Variants in DUSP22 observed in about 807,000 individuals in gnomAD.
DUSP22 encodes dual specificity protein phosphatase 22.
Under a neutral mutation model 24.5 loss-of-function variants are expected in DUSP22, and 24 were observed. The observed-to-expected ratio is 0.98, with a 90% confidence interval of 0.71 to 1.38. DUSP22 has a LOEUF of 1.38. DUSP22 is among the 40% of genes most tolerant of loss of function. The probability of loss-of-function intolerance (pLI) is 0.00; values close to 1 mark genes in which losing one functional copy is unlikely to be tolerated. For missense variants in DUSP22, 330 were observed against 269.2 expected, an observed-to-expected ratio of 1.23 and a Z score of -1.58; for synonymous variants, 160 against 106.4, an observed-to-expected ratio of 1.50 and a Z score of -3.10.
At chr6:309,749 T>A (rs902456319) in intron 2 of DUSP22, among the ~76,000 whole-genome samples, 7 of 152,168 alleles carry the variant, frequency 4.6e-5, no homozygotes, top group Non-Finnish European at 8.8e-5. Flanking sequence ...ACCCTTGTAA[T>A]TCCGTCTCTG....
rs553757521 is a variant in DUSP22, at chr6:313,999, C to CA, written c.138+2038dup. Among the ~76,000 whole-genome samples the CA allele has an allele frequency of 9.8e-5, 15 of 152,418 alleles. No individual in the cohort carries two copies. In the East Asian group the frequency reaches 2.9e-3, roughly 29 times the overall value. Reference sequence around the variant, plus strand: ...AATCCAGATCCATAAGCTGTGTCCTCACGCAGCCTGAGATGAGTCAGGGAA... The same window carrying CA: ...AATCCAGATCCATAAGCTGTGTCCTCAACGCAGCCTGAGATGAGTCAGGGAA... On this transcript the variant is annotated intron_variant, in intron 3 of 6. Transcript: ENST00000419235.
chr6:345,283 C>T (rs1429192401), intron 4 of DUSP22, among the ~76,000 whole-genome samples: 2 of 150,388 alleles, frequency 1.3e-5, no homozygotes, highest in African/African-American at 4.9e-5. Flanking sequence ...GATCTTGGCT[C>T]ACTGTAATCT....
chr6:350,433 G>A lies in DUSP22; in HGVS notation c.*1482G>A. ...CTCGACCTCTCCCTAAAAAGATGTT[G>A]CAACCCAGTTTCTCTGAATTCCACC... On this transcript the variant is annotated 3_prime_UTR_variant, in exon 7 of 7. Coordinates refer to ENST00000419235, the MANE Select transcript of DUSP22 (RefSeq NM_001286555.3). The A allele has an allele frequency of 1.2e-5, 13 of 1,125,100 alleles. No homozygotes were observed. The highest frequency in any genetic ancestry group is 1.4e-5 in the Non-Finnish European group (13 of 915,750). The allele number at this position is 1,125,100 out of a possible 1,614,324, so 69.7% of individuals were successfully genotyped here. A position where few individuals can be genotyped will look rare whatever the true frequency, so the allele number is the denominator to read the frequency against.
At chr6:309,787 G>A (rs1339562854) in intron 2 of DUSP22, among the ~76,000 whole-genome samples, 3 of 152,272 alleles carry the variant, frequency 2.0e-5, no homozygotes, top group African/African-American at 7.2e-5. Flanking sequence ...TACCAGTCCC[G>A]CCATCCTCCC....
chr6:342,204 G>A (rs969131347), intron 4 of DUSP22, among the ~76,000 whole-genome samples: 2 of 152,308 alleles, frequency 1.3e-5, no homozygotes, highest in Non-Finnish European at 2.9e-5. Context: ...GTGCTCTGTG[G>A]TTTTTCATTT....
chr6:309,068 G>A (rs1757951602), intron 2 of DUSP22, among the ~76,000 whole-genome samples: 1 of 152,430 alleles, frequency 6.6e-6, no homozygotes, highest in Non-Finnish European at 1.5e-5. Flanking sequence ...GTGGGAACTG[G>A]CTGCCTGTGG....
At chr6:310,295 C>G (rs1430332517) in intron 2 of DUSP22, among the ~76,000 whole-genome samples, 1 of 152,304 alleles carries the variant, frequency 6.6e-6, no homozygotes, top group African/African-American at 2.4e-5. Context: ...TCTCCTGTAT[C>G]ATTTAGGAAA....
At position 350,286 on chromosome 6, in the gene DUSP22, A is replaced by G; in HGVS notation, c.*1335A>G. On this transcript the variant is annotated 3_prime_UTR_variant, in exon 7 of 7. Transcript: ENST00000419235. ...AATTCCACATTCAGGCCACGAGAGCATCTACAGTTTGTACTCTGGGGCTGC... is the reference window on the plus strand; with the variant it reads ...AATTCCACATTCAGGCCACGAGAGCGTCTACAGTTTGTACTCTGGGGCTGC... The G allele has an allele frequency of 1.0e-6, 1 of 993,628 alleles. No homozygotes were observed. The allele number at this position is 993,628 out of a possible 1,614,324, so 61.6% of individuals were successfully genotyped here. A position where few individuals can be genotyped will look rare whatever the true frequency, so the allele number is the denominator to read the frequency against.
intron 1 of DUSP22, among the ~76,000 whole-genome samples, chr6:301,342 C>A (rs1395366312): frequency 6.6e-6 from 1 of 152,290 alleles, no homozygotes; most frequent in African/African-American, 2.4e-5. Context: ...AAGATGGGAC[C>A]AGTAAGGGGT....
intron 1 of DUSP22, among the ~76,000 whole-genome samples, chr6:299,236 C>A (rs1000163486): frequency 2.5e-4 from 38 of 152,294 alleles, no homozygotes; most frequent in African/African-American, 8.2e-4. Flanking sequence ...GAGCTCAGCT[C>A]CTGCGTGGCC....
At chr6:305,473 G>A (rs1757780453) in intron 2 of DUSP22, among the ~76,000 whole-genome samples, 1 of 152,298 alleles carries the variant, frequency 6.6e-6, no homozygotes. Flanking sequence ...TTCTTTTTAA[G>A]TCACCTGGGA....
chr6:324,977 T>C (rs1449625608), intron 3 of DUSP22, among the ~76,000 whole-genome samples: 5 of 152,300 alleles, frequency 3.3e-5, no homozygotes, highest in Admixed American at 3.3e-4. Context: ...GGCTGCCGCA[T>C]CCTGCCGGGA....
In DUSP22 at chr6:351,026, A is replaced by G; in HGVS notation, c.*2075A>G. ...CGTAGTCATGTTTATGTTGAGAACTAAGGATATTCTTTAGCAAGAGAAAAT... is the reference window on the plus strand; with the variant it reads ...CGTAGTCATGTTTATGTTGAGAACTGAGGATATTCTTTAGCAAGAGAAAAT... On this transcript the variant is annotated 3_prime_UTR_variant, in exon 7 of 7. Transcript: ENST00000419235. 9.0e-7 allele frequency: 1 copy of G among 1,107,796 alleles called. No individual in the cohort carries two copies. The allele number at this position is 1,107,796 out of a possible 1,614,324, so 68.6% of individuals were successfully genotyped here.
chr6:321,461 G>A (rs558559992), intron 3 of DUSP22, among the ~76,000 whole-genome samples: 11 of 152,414 alleles, frequency 7.2e-5, no homozygotes, highest in African/African-American at 2.2e-4. Flanking sequence ...AGAGACCCTC[G>A]AAAGCTCTTG....
At chr6:308,636 C>T (rs1272314129) in intron 2 of DUSP22, among the ~76,000 whole-genome samples, 1 of 152,302 alleles carries the variant, frequency 6.6e-6, no homozygotes, top group Non-Finnish European at 1.5e-5. Flanking sequence ...CCCCAGGCCA[C>T]TTTAAAAAGA....
chr6:337,882 C>T, intron 4 of DUSP22: 1 of 152,630 alleles, frequency 6.6e-6, no homozygotes. Flanking sequence ...TGGCTCTTGG[C>T]CTTTGATGTA....
At chr6:335,220 G>T (rs1274872649) in intron 4 of DUSP22, 57 bp downstream of exon 4, 1 of 1,590,956 alleles carries the variant, frequency 6.3e-7, no homozygotes, top group Non-Finnish European at 8.6e-7. Context: ...ATAGAGGATG[G>T]TAAAGTCAGA....
intron 3 of DUSP22, among the ~76,000 whole-genome samples, chr6:318,049 C>T (rs1471111870): frequency 1.3e-5 from 2 of 152,304 alleles, no homozygotes; most frequent in East Asian, 3.8e-4. Context: ...TGTGTAGTTC[C>T]TCACTTCCTT....
intron 3 of DUSP22, among the ~76,000 whole-genome samples, chr6:313,085 C>T (rs1311188831): frequency 6.6e-6 from 1 of 152,292 alleles, no homozygotes; most frequent in African/African-American, 2.4e-5. Flanking sequence ...AATAACCACT[C>T]CATTTTTTAA....
Sources: gnomAD v4.1 joint callset for allele counts (sites outside exome capture counted in the v4.1 genomes callset) on GRCh38, gnomAD v4.1.1 for gene constraint, MANE v1.5 for transcripts, NCBI Gene and HGNC (gene_info 2026-07-23, HGNC 2026-07-21) for gene names.